Variants in COL4A4 observed in about 807,000 individuals in gnomAD.
COL4A4 encodes collagen type IV alpha 4 chain.
In COL4A4, 105 loss-of-function variants were observed where a neutral mutation model predicts 192.9. The observed-to-expected ratio is 0.54, with a 90% CI of 0.46 to 0.64. The LOEUF is 0.64. COL4A4 is among the 30% of genes least tolerant of loss of function. COL4A4 has a pLI of 0.00. For missense variants in COL4A4, 1,967 were observed against 2,169.3 expected, an observed-to-expected ratio of 0.91 and a Z score of 1.85; for synonymous variants, 762 against 769.9, an observed-to-expected ratio of 0.99 and a Z score of 0.17.
At chr2:226,987,914 T>C in the COL4A4 span, among the ~76,000 whole-genome samples, 165 of 152,332 alleles carry the variant, frequency 1.1e-3, no homozygotes, top group Non-Finnish European at 2.1e-3. Context: ...TCTTCATTTC[T>C]GTGCACACTT....
intron 35 of COL4A4, among the ~76,000 whole-genome samples, chr2:227,044,764 T>C (rs775007384): frequency 6.6e-6 from 1 of 152,212 alleles, no homozygotes; most frequent in Non-Finnish European, 1.5e-5. Context: ...CAAGACCAGC[T>C]GCAGATTCAT....
chr2:227,158,633 G>A (rs1408395903), intron 1 of COL4A4, among the ~76,000 whole-genome samples: 1 of 151,808 alleles, frequency 6.6e-6, no homozygotes, highest in Non-Finnish European at 1.5e-5. Context: ...ACAATAAGAA[G>A]ATAAAAAGCC....
chr2:227,082,318 T>C, intron 22 of COL4A4, 131 bp from the exon 23 acceptor site: 1 of 845,832 alleles, frequency 1.2e-6, no homozygotes, highest in Non-Finnish European at 2.0e-6. Context: ...ATTCTTGGTC[T>C]CTTCCACTTC....
At chr2:226,969,429 G>A in the COL4A4 span, among the ~76,000 whole-genome samples, 15 of 121,436 alleles carry the variant, frequency 1.2e-4, no homozygotes, top group African/African-American at 4.4e-4. Flanking sequence ...AAGTAGACCT[G>A]TTTTTGATGC....
chr2:227,050,218 A>T (rs1450579025), intron 33 of COL4A4, 87 bp from the exon 34 acceptor site: 1 of 1,309,830 alleles, frequency 7.6e-7, no homozygotes, highest in African/African-American at 1.4e-5. Context: ...AATTTTCTGT[A>T]ACTAATTTGG....
rs148294765 is a variant in COL4A4, at chr2:227,105,805, G to A, written c.736-1753C>T. On this transcript the variant is annotated intron_variant, in intron 12 of 47. Coordinates refer to ENST00000396625, the MANE Select transcript of COL4A4 (RefSeq NM_000092.5). The stretch of plus-strand genomic sequence containing the variant: ...GGCCCTTACTGGCTCTGTCACTTGG[G>A]GCAAGTTCCTTAAAACCTCTCTCAG... Among the ~76,000 whole-genome samples the A allele has an allele frequency of 2.5e-4, 38 of 152,008 alleles. No individual in the cohort carries two copies. In the South Asian group the frequency reaches 4.0e-3, roughly 16 times the overall value.
chr2:227,092,519 G>A (rs2059995633), intron 20 of COL4A4, among the ~76,000 whole-genome samples: 2 of 152,172 alleles, frequency 1.3e-5, no homozygotes, highest in African/African-American at 4.8e-5. Context: ...CTGCAGGAGA[G>A]ATTTATTCAA....
At chr2:227,094,438 A>G (rs1242785280) in intron 19 of COL4A4, 149 bp from the exon 20 acceptor site, 1 of 718,522 alleles carries the variant, frequency 1.4e-6, no homozygotes, top group Non-Finnish European at 2.4e-6. Flanking sequence ...TAAGTGAAAT[A>G]AGCCAGACAC....
Position 227,056,076 on chromosome 2 carries a change from G to C in COL4A4, c.2585C>G (p.Pro862Arg), listed in dbSNP as rs765863709. Reference protein sequence around the residue: ...GGKGQPGDVGPPGPAGMKGLP... With the variant: ...GGKGQPGDVGRPGPAGMKGLP... ...GCCTTTCATTCCAGCTGGCCCGGGAGGCCCCACATCTCCCGGCTGTCCTTT... is the reference window on the plus strand; with the variant it reads ...GCCTTTCATTCCAGCTGGCCCGGGACGCCCCACATCTCCCGGCTGTCCTTT... The change falls in exon 30 of 48, where the codon CCT (proline) becomes CGT (arginine). Residue 862 changes from proline to arginine, a missense_variant. Coordinates refer to ENST00000396625, the MANE Select transcript of COL4A4 (RefSeq NM_000092.5). The C allele has an allele frequency of 5.6e-6, 9 of 1,614,064 alleles. No homozygotes were observed. The South Asian group carries it at 8.8e-5, about 16-fold the overall frequency.
At chr2:227,129,804 T>C (rs2062320328) in intron 4 of COL4A4, among the ~76,000 whole-genome samples, 1 of 152,216 alleles carries the variant, frequency 6.6e-6, no homozygotes, top group East Asian at 1.9e-4. Context: ...TCTAAACATA[T>C]ACTCATGGAT....
At chr2:227,069,949 A>G (rs1427877814) in intron 25 of COL4A4, among the ~76,000 whole-genome samples, 1 of 151,518 alleles carries the variant, frequency 6.6e-6, no homozygotes, top group African/African-American at 2.4e-5. Context: ...AAAATGGGAG[A>G]AAATTTTCGC....
chr2:227,106,520 T>C (rs930536690), intron 12 of COL4A4, among the ~76,000 whole-genome samples: 31 of 152,146 alleles, frequency 2.0e-4, no homozygotes, highest in African/African-American at 7.2e-4. Flanking sequence ...TGGGCAAACA[T>C]GCTCTAGAAC....
At position 227,094,269 on chromosome 2, in the gene COL4A4, G is replaced by T. The variant is rs377292825; in HGVS notation, c.1225C>A (p.Pro409Thr). The change falls in exon 20 of 48, where the codon CCA becomes ACA. Residue 409 changes from proline to threonine, a missense_variant. Pro to Thr is a conservative substitution (Grantham distance 38, BLOSUM62 -1). Transcript: ENST00000396625. ...CCAGGAAGACCAGGAAATCCTTGTG[G>T]CCCAGGGGGTCCTATCATGCCTGCA... ...ACAGMIGPPG[P>T]QGFPGLPGLP... is the part of the protein sequence containing the mutation. 6.2e-7 allele frequency: 1 copy of T among 1,613,794 alleles called. No homozygotes were observed. Among genetic ancestry groups the T allele is most frequent in the Admixed American group, 1.7e-5 (1 of 59,992 alleles).
At chr2:227,073,334 C>G (rs1281034533) in intron 25 of COL4A4, among the ~76,000 whole-genome samples, 7 of 151,886 alleles carry the variant, frequency 4.6e-5, no homozygotes, top group Non-Finnish European at 7.4e-5. Context: ...TAAAAATATA[C>G]TTAACCAAGG....
the COL4A4 span, chr2:226,997,079 G>T: frequency 6.6e-6 from 1 of 152,176 alleles, no homozygotes; most frequent in African/African-American, 2.4e-5. Context: ...CCTGGAAGAG[G>T]CCTTGACACC....
rs1383809879 is a variant in COL4A4, at chr2:227,031,039, A to ATG, written c.3818-442_3818-441insCA. On this transcript the variant is annotated intron_variant, in intron 40 of 47. Coordinates refer to ENST00000396625, the MANE Select transcript of COL4A4 (RefSeq NM_000092.5). ...GATATGTGGATAGATGGTTGGATGG[A>ATG]CAGATGGATGGATGGATGGATGGAT... Among the ~76,000 whole-genome samples the ATG allele has an allele frequency of 6.9e-3, 968 of 139,586 alleles. 15 individuals carry two copies. Among genetic ancestry groups the ATG allele is most frequent in the African/African-American group, 0.025 (908 of 36,950 alleles). The allele number at this position is 139,586 out of a possible 152,430, so 91.6% of individuals were successfully genotyped here.
At chr2:226,988,611 C>T in the COL4A4 span, 1 of 1,350,300 alleles carries the variant, frequency 7.4e-7, no homozygotes, top group Non-Finnish European at 9.5e-7. Context: ...TCCAGCTGCC[C>T]CTCCGAGCAG....
intron 22 of COL4A4, among the ~76,000 whole-genome samples, chr2:227,086,792 A>T (rs1337901753): frequency 6.6e-6 from 1 of 152,212 alleles, no homozygotes; most frequent in Non-Finnish European, 1.5e-5. Flanking sequence ...TTAAGTACCA[A>T]CACACACAAA....
At chr2:227,139,960 C>T (rs2063088895) in intron 4 of COL4A4, among the ~76,000 whole-genome samples, 1 of 152,196 alleles carries the variant, frequency 6.6e-6, no homozygotes. Context: ...GGGTGAATCG[C>T]AGCTTCCTAG....
Sources: allele counts gnomAD v4.1 joint callset (sites outside exome capture counted in the v4.1 genomes callset), GRCh38; gene constraint gnomAD v4.1.1; transcripts MANE v1.5; gene names NCBI Gene and HGNC (gene_info 2026-07-23, HGNC 2026-07-21).